AGTPBP1: variants seen among roughly 807,000 people sequenced by gnomAD.
The protein encoded by AGTPBP1 is cytosolic carboxypeptidase 1.
In AGTPBP1, 70 loss-of-function variants were observed where a neutral mutation model predicts 143.9. That is an observed-to-expected ratio of 0.49 (90% CI 0.40 to 0.59). AGTPBP1 has a LOEUF of 0.59. AGTPBP1 is among the 20% of genes least tolerant of loss of function. The pLI, the probability that AGTPBP1 is intolerant of heterozygous loss-of-function variation, is 0.00. For synonymous variants in AGTPBP1, 463 were observed against 500.2 expected (o/e 0.93, Z 0.99); for missense variants, 1,229 against 1,464.5 (o/e 0.84, Z 2.62).
the AGTPBP1 span, among the ~76,000 whole-genome samples, chr9:85,768,657 A>T: frequency 8.5e-5 from 13 of 152,296 alleles, no homozygotes; most frequent in African/African-American, 2.9e-4. Context: ...TTTATTCCTT[A>T]TGGAGCAATT....
chr9:85,562,592 G>GT (rs1239818376), intron 25 of AGTPBP1, among the ~76,000 whole-genome samples: 1 of 152,064 alleles, frequency 6.6e-6, no homozygotes, highest in African/African-American at 2.4e-5. Context: ...AATCTCCATT[G>GT]TTATTTATAA....
At chr9:85,568,111 G>A (rs1827224923) in intron 25 of AGTPBP1, among the ~76,000 whole-genome samples, 1 of 152,146 alleles carries the variant, frequency 6.6e-6, no homozygotes, top group African/African-American at 2.4e-5. Context: ...TCTAAAATAA[G>A]GCTACTCAAG....
rs72129899 is a variant in AGTPBP1, at chr9:85,566,529, C to CAAAAAA, written c.3503+8780_3503+8785dup. On this transcript the variant is annotated intron_variant, in intron 25 of 25. Transcript: ENST00000357081. ...TGGGCAACAGATCAAGACCATGTCTCAAAAAAAAAAAAAAAAAAAAGGCTG... is the reference window on the plus strand; with the variant it reads ...TGGGCAACAGATCAAGACCATGTCTCAAAAAAAAAAAAAAAAAAAAAAAAAAGGCTG... Among the ~76,000 whole-genome samples the CAAAAAA allele has an allele frequency of 3.2e-3, 251 of 78,402 alleles. 11 individuals carry two copies. Among genetic ancestry groups the CAAAAAA allele is most frequent in the African/African-American group, 8.5e-3 (146 of 17,242 alleles). The allele number at this position is 78,402 out of a possible 152,430, so 51.4% of individuals were successfully genotyped here.
intron 23 of AGTPBP1, among the ~76,000 whole-genome samples, chr9:85,583,245 T>C (rs1828390396): frequency 6.6e-6 from 1 of 152,168 alleles, no homozygotes. Context: ...TGTAAGTCCA[T>C]CAATTTGTTT....
intron 17 of AGTPBP1, among the ~76,000 whole-genome samples, chr9:85,604,054 G>A (rs1383494527): frequency 6.6e-6 from 1 of 152,202 alleles, no homozygotes; most frequent in African/African-American, 2.4e-5. Context: ...CTGGGCTGAG[G>A]GAAGTTCATT....
At chr9:85,749,000 T>TC in the AGTPBP1 span, among the ~76,000 whole-genome samples, 4 of 144,628 alleles carry the variant, frequency 2.8e-5, no homozygotes, top group Non-Finnish European at 6.1e-5. Flanking sequence ...TAGTGCACTT[T>TC]TTTTTTTTTT....
At chr9:85,663,480 C>T (rs1464094416) in intron 8 of AGTPBP1, among the ~76,000 whole-genome samples, 1 of 151,994 alleles carries the variant, frequency 6.6e-6, no homozygotes, top group African/African-American at 2.4e-5. Context: ...AACTTAACCA[C>T]ATCCCAGAAA....
chr9:85,681,003 T>A (rs1218994173), intron 4 of AGTPBP1, among the ~76,000 whole-genome samples: 1 of 152,268 alleles, frequency 6.6e-6, no homozygotes, highest in East Asian at 1.9e-4. Flanking sequence ...ATCATTATAA[T>A]CATATAAGGG....
chr9:85,756,404 G>A, the AGTPBP1 span, among the ~76,000 whole-genome samples: 1 of 143,482 alleles, frequency 7.0e-6, no homozygotes, highest in South Asian at 2.2e-4. Flanking sequence ...GGAAAATGGT[G>A]CAATCGCTTT....
At chr9:85,693,687 TAG>T (rs1177597362) in intron 2 of AGTPBP1, among the ~76,000 whole-genome samples, 19 of 152,202 alleles carry the variant, frequency 1.2e-4, no homozygotes, top group African/African-American at 3.6e-4. Context: ...CTGCCCCGCA[TAG>T]AGTGTACATT....
chr9:85,749,368 G>A, the AGTPBP1 span, among the ~76,000 whole-genome samples: 1 of 151,990 alleles, frequency 6.6e-6, no homozygotes, highest in Non-Finnish European at 1.5e-5. Flanking sequence ...GGGATATCAG[G>A]TATTCCAGAA....
chr9:85,804,204 C>T, the AGTPBP1 span, among the ~76,000 whole-genome samples: 8 of 152,224 alleles, frequency 5.3e-5, no homozygotes, highest in African/African-American at 1.9e-4. Flanking sequence ...TAAATTCATC[C>T]ATTTGGTATC....
chr9:85,550,563 A>G (rs945798307), intron 25 of AGTPBP1, among the ~76,000 whole-genome samples: 3 of 152,156 alleles, frequency 2.0e-5, no homozygotes, highest in African/African-American at 7.2e-5. Context: ...GAACAAGTTC[A>G]TCTATTTTCT....
chr9:85,654,173 T>C (rs1833346404), intron 11 of AGTPBP1, among the ~76,000 whole-genome samples: 1 of 151,988 alleles, frequency 6.6e-6, no homozygotes, highest in Non-Finnish European at 1.5e-5. Flanking sequence ...AATCTTCGTT[T>C]TTTTTCTCAA....
At position 85,594,059 on chromosome 9, in the gene AGTPBP1, T is replaced by G. The variant is rs534191571; in HGVS notation, c.2424-1355A>C. Among the ~76,000 whole-genome samples the G allele has an allele frequency of 9.8e-5, 15 of 152,298 alleles. 1 individual carries two copies. In the South Asian group the frequency reaches 3.1e-3, roughly 32 times the overall value. ...TACCCAATGACAGAGTGCTAAGGAT[T>G]AACAAAAATTCAAAACAAGTTCAAA... On this transcript the variant is annotated intron_variant, in intron 18 of 25. Coordinates refer to ENST00000357081, the MANE Select transcript of AGTPBP1 (RefSeq NM_001330701.2).
intron 1 of AGTPBP1, among the ~76,000 whole-genome samples, chr9:85,740,221 G>A (rs1433486651): frequency 6.6e-6 from 1 of 152,194 alleles, no homozygotes; most frequent in African/African-American, 2.4e-5. Flanking sequence ...AAATACGAGG[G>A]TAGTTTTAAG....
At chr9:85,564,518 A>C (rs1826952816) in intron 25 of AGTPBP1, among the ~76,000 whole-genome samples, 1 of 152,260 alleles carries the variant, frequency 6.6e-6, no homozygotes, top group Admixed American at 6.5e-5. Context: ...CATATATGAC[A>C]GTGGTCCCAA....
At chr9:85,579,525 T>G (rs986524872) in intron 23 of AGTPBP1, among the ~76,000 whole-genome samples, 1 of 151,430 alleles carries the variant, frequency 6.6e-6, no homozygotes. Flanking sequence ...TTTCTGCAAC[T>G]GAAATTATTA....
intron 8 of AGTPBP1, among the ~76,000 whole-genome samples, chr9:85,668,967 A>G (rs1038539627): frequency 1.6e-3 from 183 of 114,434 alleles, no homozygotes; most frequent in South Asian, 3.6e-3. Flanking sequence ...ACATACATAC[A>G]TGTGTGTGTG....
Sources: gnomAD v4.1 joint callset for allele counts (sites outside exome capture counted in the v4.1 genomes callset) on GRCh38, gnomAD v4.1.1 for gene constraint, MANE v1.5 for transcripts, NCBI Gene and HGNC (gene_info 2026-07-23, HGNC 2026-07-21) for gene names.